Variants in KCTD1 observed in about 807,000 individuals in gnomAD.
KCTD1 encodes potassium channel tetramerization domain containing 1, also known as BTB/POZ domain-containing protein KCTD1.
In KCTD1, 24 loss-of-function variants were observed where a neutral mutation model predicts 66.0. The ratio of observed to expected loss-of-function variants is 0.36; its 90% CI spans 0.26 to 0.51. The LOEUF is 0.51. Among genes scored for constraint, KCTD1 ranks in the 20% least tolerant of loss-of-function variants. The pLI is 0.95. For missense variants in KCTD1, 943 were observed against 1,205.2 expected (o/e 0.78, Z 3.22); for synonymous variants, 511 against 517.2 (o/e 0.99, Z 0.16).
chr18:26,574,881 T>C (rs1986188958), intron 1 of KCTD1, among the ~76,000 whole-genome samples: 1 of 152,168 alleles, frequency 6.6e-6, no homozygotes, highest in Admixed American at 6.5e-5. Flanking sequence ...GAAACAAGTT[T>C]GGCTAGGACA....
upstream of KCTD1, chr18:26,549,723 TCTCA>T (rs769709716): frequency 2.5e-5 from 25 of 985,284 alleles, no homozygotes; most frequent in Middle Eastern, 5.2e-4. Context: ...CGGAGCGCAC[TCTCA>T]CTCAAAGTTT....
intron 1 of KCTD1, among the ~76,000 whole-genome samples, chr18:26,635,457 C>T (rs1317099554): frequency 6.6e-6 from 1 of 152,228 alleles, no homozygotes; most frequent in South Asian, 2.1e-4. Context: ...GCGCGCTTGG[C>T]GTGCCCACAC....
chr18:26,643,015 G>A (rs943567414), upstream of KCTD1, among the ~76,000 whole-genome samples: 1 of 152,178 alleles, frequency 6.6e-6, no homozygotes, highest in Non-Finnish European at 1.5e-5. Context: ...TGGTGTGTTA[G>A]TGAGTTCAGG....
chr18:26,517,900 G>C (rs998456509), intron 1 of KCTD1, among the ~76,000 whole-genome samples: 1 of 152,254 alleles, frequency 6.6e-6, no homozygotes, highest in South Asian at 2.1e-4. Context: ...GCTGACTCTG[G>C]ATTCCTGCAG....
In KCTD1 at chr18:26,547,517, C is replaced by A. The variant is rs1336400100; in HGVS notation, c.1020G>T (p.Glu340Asp). ...TGAAGTAGACGAACTTGCGACCGTCCTCGTCCATGGCCAGCCCAAAAGAGT... is the reference window on the plus strand; with the variant it reads ...TGAAGTAGACGAACTTGCGACCGTCATCGTCCATGGCCAGCCCAAAAGAGT... ...EEDSFGLAMD[E>D]DGRKFVYFKS... Residue 340 changes from glutamate (E) to aspartate (D), a missense_variant, in exon 1 of 5, where the codon GAG becomes GAT. Physicochemically the swap from Glu to Asp is conservative, Grantham distance 45. Around this residue, in one of 10 missense-constraint regions of KCTD1, gnomAD observed 66 missense variants for 61.6 expected, o/e 1.07. Transcript: ENST00000580059. 6.4e-7 allele frequency: 1 copy of A among 1,551,600 alleles called. No individual in the cohort carries two copies. The highest frequency in any genetic ancestry group is 2.0e-5 in the Admixed American group (1 of 51,014).
chr18:26,463,744 C>A (rs769631622), intron 3 of KCTD1, among the ~76,000 whole-genome samples: 4 of 152,094 alleles, frequency 2.6e-5, no homozygotes, highest in Non-Finnish European at 5.9e-5. Flanking sequence ...GCCATGTTGG[C>A]CAGGCTGGTC....
rs555547381 is a variant in KCTD1, at chr18:26,572,210, C to T, written c.-16+56937G>A. ...GAGTACCTGGGACTACAGGCGCGCA[C>T]CACCACACCCAGCTAATTTTTGTAT... On this transcript the variant is annotated intron_variant, in intron 1 of 4. Transcript: ENST00000317932. Among the ~76,000 whole-genome samples the T allele has an allele frequency of 5.3e-5, 8 of 152,154 alleles. No individual in the cohort carries two copies. The East Asian group carries it at 1.5e-3, about 29-fold the overall frequency.
At chr18:26,493,831 AC>A (rs1369159773) in intron 2 of KCTD1, among the ~76,000 whole-genome samples, 1 of 151,950 alleles carries the variant, frequency 6.6e-6, no homozygotes, top group Non-Finnish European at 1.5e-5. Flanking sequence ...CCCATTAACC[AC>A]CCTCTCTTCC....
intron 1 of KCTD1, among the ~76,000 whole-genome samples, chr18:26,524,465 T>C (rs537732863): frequency 1.8e-4 from 28 of 152,348 alleles, no homozygotes; most frequent in African/African-American, 6.0e-4. Context: ...TTTATACTTT[T>C]TCCTGTAGGA....
chr18:26,568,327 C>G (rs926258341), intron 1 of KCTD1, among the ~76,000 whole-genome samples: 1 of 152,044 alleles, frequency 6.6e-6, no homozygotes, highest in Non-Finnish European at 1.5e-5. Context: ...CCTCAGCCTC[C>G]CTGGGCTCAG....
chr18:26,459,930 A>G lies in KCTD1; in HGVS notation c.2134-5T>C, dbSNP rs752609383. 2.3e-5 allele frequency: 32 copies of G among 1,378,702 alleles called. No individual in the cohort carries two copies. The highest frequency in any genetic ancestry group is 1.9e-4 in the Middle Eastern group (1 of 5,168). 85.4% of individuals were successfully genotyped at this position (1,378,702 alleles called of 1,614,324 possible). A position where few individuals can be genotyped will look rare whatever the true frequency, so the allele number is the denominator to read the frequency against. ...TTCATATAACAAAGTGTAGTCCTGG[A>G]AAAAAAAAAGGTATTTCACAGTGCA... On this transcript the variant is annotated splice_polypyrimidine_tract_variant and splice_region_variant and intron_variant, in intron 3 of 4. Coordinates refer to ENST00000580059, the MANE Select transcript of KCTD1 (RefSeq NM_001142730.3).
chr18:26,511,170 A>G (rs979670717), intron 1 of KCTD1, among the ~76,000 whole-genome samples: 9 of 152,238 alleles, frequency 5.9e-5, no homozygotes, highest in Admixed American at 5.9e-4. Context: ...TTAAGAGGTC[A>G]GAATAAAGAA....
At chr18:26,532,256 TC>T (rs1212950126) in intron 1 of KCTD1, among the ~76,000 whole-genome samples, 6 of 67,232 alleles carry the variant, frequency 8.9e-5, no homozygotes, top group African/African-American at 3.1e-4. Context: ...TTCTTTTCTT[TC>T]CTTCTTTTTT....
intron 1 of KCTD1, among the ~76,000 whole-genome samples, chr18:26,527,878 A>G (rs1023829244): frequency 7.2e-5 from 11 of 151,908 alleles, no homozygotes; most frequent in Admixed American, 2.0e-4. Context: ...AAATCCAGTA[A>G]TTTTTTTTCC....
intron 1 of KCTD1, among the ~76,000 whole-genome samples, chr18:26,605,724 ATATCTATCTATCTATCTATCTATC>A (rs10680402): frequency 4.4e-5 from 6 of 136,044 alleles, no homozygotes; most frequent in African/African-American, 1.4e-4. Context: ...ATATATCTCT[ATATCTATCTATCTATCTATCTATC>A]TATCTATCTA....
At chr18:26,625,965 C>A (rs1040105723) in intron 1 of KCTD1, among the ~76,000 whole-genome samples, 2 of 152,074 alleles carry the variant, frequency 1.3e-5, no homozygotes, top group South Asian at 4.2e-4. Context: ...GTATTTGGGA[C>A]TTCTGAATCC....
intron 1 of KCTD1, among the ~76,000 whole-genome samples, chr18:26,647,311 A>G (rs1410795173): frequency 2.1e-5 from 3 of 142,298 alleles, no homozygotes. Flanking sequence ...GTTCAAGGCC[A>G]GCCTGGCCAA....
intron 1 of KCTD1, among the ~76,000 whole-genome samples, chr18:26,625,074 G>GT (rs1250777076): frequency 6.6e-6 from 1 of 152,116 alleles, no homozygotes; most frequent in East Asian, 1.9e-4. Flanking sequence ...ATTTGAACAG[G>GT]TTTTTCCCAA....
intron 2 of KCTD1, among the ~76,000 whole-genome samples, chr18:26,485,790 T>G (rs1160176278): frequency 1.3e-5 from 2 of 152,200 alleles, no homozygotes; most frequent in African/African-American, 2.4e-5. Context: ...GATACACTCC[T>G]TAGTCTCTTA....
Sources: gnomAD v4.1 joint callset for allele counts (sites outside exome capture counted in the v4.1 genomes callset) on GRCh38, gnomAD v4.1.1 for gene constraint, gnomAD v4.1.1 regional missense constraint, MANE v1.5 for transcripts, NCBI Gene and HGNC (gene_info 2026-07-23, HGNC 2026-07-21) for gene names.